MAJIN: variants seen among roughly 807,000 people sequenced by gnomAD.
The protein encoded by MAJIN is membrane-anchored junction protein.
MAJIN carries 27 observed loss-of-function variants against 30.2 expected under a neutral mutation model. That is an observed-to-expected ratio of 0.89 (90% CI 0.66 to 1.23). MAJIN has a LOEUF of 1.23. Ranked by LOEUF, MAJIN falls within the 50% of genes most tolerant of loss-of-function variation. The probability of loss-of-function intolerance (pLI) is 0.00; values close to 1 mark genes in which losing one functional copy is unlikely to be tolerated. For missense variants in MAJIN, 253 were observed against 260.3 expected, an observed-to-expected ratio of 0.97 and a Z score of 0.19; for synonymous variants, 78 against 91.6, an observed-to-expected ratio of 0.85 and a Z score of 0.85.
rs569280088 is a variant in MAJIN at position 64,972,057 on chromosome 11, C to G, written c.-245G>C. On this transcript the variant is annotated 5_prime_UTR_variant, in exon 1 of 11. Coordinates refer to ENST00000301896, the MANE Select transcript of MAJIN (RefSeq NM_001037225.3). ...GACTGGCTCGCCAGCTCCTAAGCAA[C>G]TTCGGGGCTCGTGCCGCGCACCCAC... The G allele has an allele frequency of 1.3e-5, 2 of 152,226 alleles. No homozygotes were observed. The highest frequency in any genetic ancestry group is 2.9e-5 in the Non-Finnish European group (2 of 68,040). 9.4% of individuals were successfully genotyped at this position (152,226 alleles called of 1,614,324 possible).
At chr11:64,962,992 T>TG (rs1046108351) in intron 1 of MAJIN, among the ~76,000 whole-genome samples, 4 of 151,952 alleles carry the variant, frequency 2.6e-5, no homozygotes, top group Non-Finnish European at 5.9e-5. Context: ...CCGGGCGTGG[T>TG]GGGGGGCACC....
intron 1 of MAJIN, among the ~76,000 whole-genome samples, chr11:64,967,700 T>A (rs1945834097): frequency 6.6e-6 from 1 of 152,096 alleles, no homozygotes; most frequent in Non-Finnish European, 1.5e-5. Flanking sequence ...GGTGAGACTA[T>A]ACAGATAAGT....
intron 4 of MAJIN, chr11:64,954,533 C>T (rs1208066916): frequency 4.6e-6 from 3 of 645,426 alleles, no homozygotes; most frequent in Non-Finnish European, 8.5e-6. Context: ...AAAAAGCTCT[C>T]AGCCTCAAAG....
At chr11:64,949,161 TA>T (rs562375029) in intron 6 of MAJIN, among the ~76,000 whole-genome samples, 7,102 of 111,730 alleles carry the variant, frequency 0.064, 181 homozygotes, top group Middle Eastern at 0.077. Flanking sequence ...CTGTCTCTAC[TA>T]AAAAAAAAAA....
chr11:64,966,647 G>A (rs1445081885), intron 1 of MAJIN, among the ~76,000 whole-genome samples: 1 of 151,986 alleles, frequency 6.6e-6, no homozygotes, highest in South Asian at 2.1e-4. Flanking sequence ...AATTGTACTC[G>A]TGGCCAGGCG....
At chr11:64,949,602 G>A in intron 6 of MAJIN, 141 bp downstream of exon 6, 15 of 1,044,298 alleles carry the variant, frequency 1.4e-5, no homozygotes, top group Non-Finnish European at 1.8e-5. Context: ...ATTTGAACCG[G>A]TCAGTCTGGC....
intron 7 of MAJIN, 83 bp downstream of exon 7, chr11:64,947,704 AG>A: frequency 7.0e-7 from 1 of 1,438,840 alleles, no homozygotes; most frequent in Non-Finnish European, 9.8e-7. Flanking sequence ...GGGCAAAGTA[AG>A]GGGAAGAGGC....
At chr11:64,946,013 T>G (rs596321) in intron 8 of MAJIN, 773,960 of 1,362,748 alleles carry the variant, frequency 0.57, 232,480 homozygotes, top group Non-Finnish European at 0.63. Context: ...ACCGGAATCC[T>G]GACTTGTAAC....
chr11:64,968,212 A>G (rs1018430734), intron 1 of MAJIN, among the ~76,000 whole-genome samples: 2 of 152,172 alleles, frequency 1.3e-5, no homozygotes, highest in Non-Finnish European at 2.9e-5. Flanking sequence ...TTTTATGCCA[A>G]GGATTTTATA....
chr11:64,945,111 A>G (rs1249982982), intron 8 of MAJIN, among the ~76,000 whole-genome samples: 1 of 152,242 alleles, frequency 6.6e-6, no homozygotes, highest in East Asian at 1.9e-4. Flanking sequence ...TAATCCCAGC[A>G]CTTTGGGAGG....
chr11:64,942,600 C>T (rs1945395833), intron 8 of MAJIN, among the ~76,000 whole-genome samples: 1 of 152,122 alleles, frequency 6.6e-6, no homozygotes, highest in African/African-American at 2.4e-5. Flanking sequence ...CTAGGACTAG[C>T]CCCCATCCTA....
chr11:64,947,286 C>G, intron 8 of MAJIN, 88 bp downstream of exon 8: 1 of 1,147,696 alleles, frequency 8.7e-7, no homozygotes, highest in Non-Finnish European at 1.2e-6. Flanking sequence ...AAGAAAGTGA[C>G]TCGCCCAAGG....
At chr11:64,961,698 G>C (rs1349247514) in intron 1 of MAJIN, among the ~76,000 whole-genome samples, 1 of 146,502 alleles carries the variant, frequency 6.8e-6, no homozygotes, top group African/African-American at 2.5e-5. Flanking sequence ...GGATGGTCTC[G>C]ATCTCCTGGC....
At chr11:64,946,112 T>C in intron 8 of MAJIN, 1 of 1,535,430 alleles carries the variant, frequency 6.5e-7, no homozygotes, top group Non-Finnish European at 8.7e-7. Flanking sequence ...CACAGGGGGC[T>C]TCTTTTTGCT....
chr11:64,949,205 C>CTA (rs1448039988), intron 6 of MAJIN, among the ~76,000 whole-genome samples: 1 of 151,148 alleles, frequency 6.6e-6, no homozygotes, highest in Non-Finnish European at 1.5e-5. Flanking sequence ...TCGCACACAC[C>CTA]TATAGTCCTA....
At chr11:64,946,460 TG>T (rs1945454072) in intron 8 of MAJIN, among the ~76,000 whole-genome samples, 1 of 152,234 alleles carries the variant, frequency 6.6e-6, no homozygotes, top group African/African-American at 2.4e-5. Flanking sequence ...AGACCTCATT[TG>T]CATGGAAAAT....
intron 3 of MAJIN, among the ~76,000 whole-genome samples, chr11:64,958,191 C>CG (rs397830581): frequency 6.6e-6 from 1 of 151,232 alleles, no homozygotes; most frequent in Non-Finnish European, 1.5e-5. Flanking sequence ...TTCACCCCCC[C>CG]GCCCCACCTC....
intron 9 of MAJIN, 26 bp from the exon 10 acceptor site, chr11:64,939,793 G>T: frequency 6.2e-7 from 1 of 1,607,610 alleles, no homozygotes; most frequent in Non-Finnish European, 8.5e-7. Flanking sequence ...TCAGGCAGGA[G>T]CAAGATGTTT....
In MAJIN at chr11:64,953,373, C is replaced by T. The variant is rs533354398; in HGVS notation, c.147+1384G>A. 3.6e-3 allele frequency among the ~76,000 whole-genome samples: 541 copies of T among 152,296 alleles called. 2 individuals carry two copies. The highest frequency in any genetic ancestry group is 5.1e-3 in the Non-Finnish European group (345 of 68,012). ...GCTAGACACTATCCTAGTATGGAGA[C>T]TTCAAATCCAGGTTTGACTGGCTCT... On this transcript the variant is annotated intron_variant, in intron 4 of 10. Coordinates refer to ENST00000301896, the MANE Select transcript of MAJIN (RefSeq NM_001037225.3).
Sources: allele counts gnomAD v4.1 joint callset (sites outside exome capture counted in the v4.1 genomes callset), GRCh38; gene constraint gnomAD v4.1.1; transcripts MANE v1.5; gene names NCBI Gene and HGNC (gene_info 2026-07-23, HGNC 2026-07-21).